TCF20: variants seen among roughly 807,000 people sequenced by gnomAD.
TCF20 encodes SPRE-binding protein.
TCF20 carries 3 observed loss-of-function variants against 148.6 expected under a neutral mutation model. The ratio of observed to expected loss-of-function variants is 0.02; its 90% confidence interval spans 0.01 to 0.05. The LOEUF is 0.05. Ranked by LOEUF, TCF20 falls within the 10% of genes least tolerant of loss-of-function variation. The probability of loss-of-function intolerance (pLI) is 1.00; values close to 1 mark genes in which losing one functional copy is unlikely to be tolerated. For missense variants in TCF20, 2,350 were observed against 2,429.3 expected (o/e 0.97, Z 0.69); for synonymous variants, 1,049 against 909.5 (o/e 1.15, Z -2.76).
upstream of TCF20, among the ~76,000 whole-genome samples, chr22:42,285,081 T>C (rs956124273): frequency 6.6e-6 from 1 of 152,194 alleles, no homozygotes; most frequent in African/African-American, 2.4e-5. This position sits in a 1 kb window ranked among gnomAD's most constrained non-coding sequence, Gnocchi z 4.2. Flanking sequence ...CACTCGGCCA[T>C]GCTCGCTTCA....
chr22:42,304,280 G>A (rs532314761), intron 1 of TCF20, among the ~76,000 whole-genome samples: 21 of 152,318 alleles, frequency 1.4e-4, no homozygotes, highest in East Asian at 1.3e-3. Flanking sequence ...CTAGATTCCC[G>A]CCTAGAAATT....
chr22:42,187,777 C>G (rs1937117158), intron 2 of TCF20, among the ~76,000 whole-genome samples: 1 of 152,164 alleles, frequency 6.6e-6, no homozygotes, highest in Admixed American at 6.5e-5. Flanking sequence ...TCTTTCTGTA[C>G]TTCATCTACC....
At chr22:42,289,910 T>C (rs1927101651) in intron 1 of TCF20, among the ~76,000 whole-genome samples, 1 of 152,212 alleles carries the variant, frequency 6.6e-6, no homozygotes, top group South Asian at 2.1e-4. Context: ...GGCTGCTACT[T>C]AGCGCCAGAT....
intron 1 of TCF20, among the ~76,000 whole-genome samples, chr22:42,260,294 A>G (rs1925960250): frequency 6.6e-6 from 1 of 152,192 alleles, no homozygotes; most frequent in African/African-American, 2.4e-5. Context: ...TTTCAGAAGG[A>G]GGCAAAGGTT....
At position 42,238,807 on chromosome 22, in the gene TCF20, G is replaced by A. The variant is rs187151291; in HGVS notation, c.-36-23466C>T. On this transcript the variant is annotated intron_variant, in intron 1 of 5. Transcript: ENST00000677622. ...GTCTTATATGGGAGTGCTTTGTGGC[G>A]CTCCAAAACAATTACAAAAGTAACA... is the stretch of plus-strand genomic sequence containing the variant. Among the ~76,000 whole-genome samples, 242 of 152,274 alleles carry A rather than the reference G, an allele frequency of 1.6e-3. 1 individual carries two copies. The highest frequency in any genetic ancestry group is 0.014 in the Middle Eastern group (4 of 294).
upstream of TCF20, among the ~76,000 whole-genome samples, chr22:42,284,813 C>T (rs117058896): frequency 1.1e-4 from 17 of 152,236 alleles, no homozygotes; most frequent in Admixed American, 4.6e-4. Flanking sequence ...CCAGCACAGG[C>T]GCTTCACACC....
intron 1 of TCF20, among the ~76,000 whole-genome samples, chr22:42,227,295 T>A (rs868584494): frequency 7.2e-5 from 11 of 152,128 alleles, no homozygotes; most frequent in African/African-American, 4.8e-5. Flanking sequence ...ATAGTAATTT[T>A]AAATTACTTC....
At chr22:42,305,521 A>G (rs1345228268) in intron 1 of TCF20, among the ~76,000 whole-genome samples, 1 of 152,106 alleles carries the variant, frequency 6.6e-6, no homozygotes, top group African/African-American at 2.4e-5. Flanking sequence ...GGCTCACCCC[A>G]CCAGAACCTG....
chr22:42,165,494 CAGCAAG>C (rs1935728870), intron 5 of TCF20, among the ~76,000 whole-genome samples: 1 of 152,244 alleles, frequency 6.6e-6, no homozygotes, highest in Non-Finnish European at 1.5e-5. Context: ...TGACACAAGC[CAGCAAG>C]GCAACCCCCT....
At chr22:42,257,704 T>C (rs988940495) in intron 1 of TCF20, among the ~76,000 whole-genome samples, 1 of 152,178 alleles carries the variant, frequency 6.6e-6, no homozygotes, top group Non-Finnish European at 1.5e-5. Context: ...AAATCTTATG[T>C]TGATATACCC....
chr22:42,198,359 G>A (rs1042324587), intron 2 of TCF20, among the ~76,000 whole-genome samples: 1 of 152,176 alleles, frequency 6.6e-6, no homozygotes, highest in Non-Finnish European at 1.5e-5. Context: ...CACGTATAGT[G>A]CTTAGAAAGC....
chr22:42,269,019 A>G lies in TCF20; in HGVS notation c.-37+1320T>C, dbSNP rs141043843. Among the ~76,000 whole-genome samples the G allele has an allele frequency of 4.8e-4, 73 of 152,318 alleles. No homozygotes were observed. In the Middle Eastern group the frequency reaches 0.017, roughly 35 times the overall value. ...CCGTCTGACCCGGGAGTCCTCACTTAACAGATGAGAAAATTACCAGGGAAA... is the reference window on the plus strand; with the variant it reads ...CCGTCTGACCCGGGAGTCCTCACTTGACAGATGAGAAAATTACCAGGGAAA... On this transcript the variant is annotated intron_variant, in intron 1 of 5. Transcript: ENST00000677622.
At chr22:42,169,996 G>A in intron 3 of TCF20, 100 bp from the exon 4 acceptor site, 1 of 1,175,224 alleles carries the variant, frequency 8.5e-7, no homozygotes, top group Non-Finnish European at 1.2e-6. Flanking sequence ...AAGGTAGCAG[G>A]TCGCTACACT....
rs115578416 is a variant in TCF20, at chr22:42,290,411, C to T, written c.-37+53068G>A. Among the ~76,000 whole-genome samples, 623 of 152,344 alleles carry T rather than the reference C, an allele frequency of 4.1e-3. 11 individuals are homozygous for T. The highest frequency in any genetic ancestry group is 0.014 in the African/African-American group (601 of 41,586). On this transcript the variant is annotated intron_variant, in intron 1 of 1. Transcript: ENST00000515426. This position sits in a 1 kb window ranked among gnomAD's most constrained non-coding sequence, Gnocchi z 4.2. The stretch of plus-strand genomic sequence containing the variant: ...GGAATGAGAATCGTTCAGAATCTTT[C>T]ATCTGCTCAAAATATAAAAACCCCA...
chr22:42,259,628 A>C (rs570529592), intron 1 of TCF20, among the ~76,000 whole-genome samples: 1 of 152,326 alleles, frequency 6.6e-6, no homozygotes, highest in South Asian at 2.1e-4. Flanking sequence ...AATGAATGGC[A>C]ATGCCATCAC....
chr22:42,230,918 G>T (rs1476343448), intron 1 of TCF20, among the ~76,000 whole-genome samples: 1 of 152,154 alleles, frequency 6.6e-6, no homozygotes. Flanking sequence ...CAGTACTTTG[G>T]AAGGCCAAGG....
intron 2 of TCF20, among the ~76,000 whole-genome samples, chr22:42,208,584 CAACAAAACAA>C (rs534669206): frequency 7.3e-4 from 111 of 151,922 alleles, no homozygotes; most frequent in Middle Eastern, 3.4e-3. Context: ...GCCTGAGTGA[CAACAAAACAA>C]AACAAAACAA....
chr22:42,207,142 A>G (rs535808103), intron 2 of TCF20, among the ~76,000 whole-genome samples: 75 of 152,262 alleles, frequency 4.9e-4, no homozygotes, highest in African/African-American at 1.8e-3. Flanking sequence ...AAAGTTTCTA[A>G]GAGGAGTTAG....
intron 2 of TCF20, among the ~76,000 whole-genome samples, chr22:42,200,845 C>CT (rs1315836433): frequency 6.6e-6 from 1 of 152,154 alleles, no homozygotes; most frequent in African/African-American, 2.4e-5. Flanking sequence ...AAACACAAAC[C>CT]TGTACATGTG....
Sources: allele counts gnomAD v4.1 joint callset (sites outside exome capture counted in the v4.1 genomes callset), GRCh38; gene constraint gnomAD v4.1.1; non-coding constraint Gnocchi (gnomAD v3.1); transcripts MANE v1.5; gene names NCBI Gene and HGNC (gene_info 2026-07-23, HGNC 2026-07-21).